SLMAP: variants seen among roughly 807,000 people sequenced by gnomAD.
SLMAP encodes sarcolemma associated protein, also known as sarcolemmal membrane-associated protein.
In SLMAP, 44 loss-of-function variants were observed where a neutral mutation model predicts 128.8. The observed-to-expected ratio is 0.34, with a 90% CI of 0.27 to 0.44. The LOEUF (loss-of-function observed/expected upper bound fraction) is 0.44, where lower values mean the gene tolerates loss of function less well. Ranked by LOEUF, SLMAP falls within the 20% of genes least tolerant of loss-of-function variation. The pLI is 1.00. For synonymous variants in SLMAP, 327 were observed against 348.8 expected, an observed-to-expected ratio of 0.94 and a Z score of 0.70; for missense variants, 787 against 985.3, an observed-to-expected ratio of 0.80 and a Z score of 2.69.
At position 57,908,135 on chromosome 3, in the gene SLMAP, T is replaced by G; in HGVS notation, c.1624+129T>G. 4.9e-6 allele frequency: 4 copies of G among 821,688 alleles called. No individual in the cohort carries two copies. The South Asian group carries it at 7.5e-5, about 15-fold the overall frequency. The allele number at this position is 821,688 out of a possible 1,614,324, so 50.9% of individuals were successfully genotyped here. A position where few individuals can be genotyped will look rare whatever the true frequency, so the allele number is the denominator to read the frequency against. Reference sequence around the variant, plus strand: ...CTTTATGAGATATGTGATCTTGGTATATTTACTTGACCTCTCTAAACTTGT... The same window carrying G: ...CTTTATGAGATATGTGATCTTGGTAGATTTACTTGACCTCTCTAAACTTGT... On this transcript the variant is annotated intron_variant, in intron 18 of 24. Transcript: ENST00000671191.
intron 18 of SLMAP, 118 bp downstream of exon 18, chr3:57,908,124 T>C: frequency 2.2e-6 from 2 of 916,282 alleles, no homozygotes; most frequent in Non-Finnish European, 1.6e-6. Context: ...ATGAGATATG[T>C]GATCTTGGTA....
intron 3 of SLMAP, among the ~76,000 whole-genome samples, chr3:57,840,255 A>G (rs985601047): frequency 5.9e-5 from 9 of 152,272 alleles, no homozygotes; most frequent in Non-Finnish European, 8.8e-5. Context: ...TGCCCGGCCA[A>G]CATTAGCTCT....
rs926954971 is a variant in SLMAP at position 57,788,537 on chromosome 3, A to G, written c.198+30688A>G. Among the ~76,000 whole-genome samples, 5 of 152,314 alleles carry G rather than the reference A, an allele frequency of 3.3e-5. No individual in the cohort carries two copies. The East Asian group carries it at 9.6e-4, about 29-fold the overall frequency. ...AATACACTCCCAGGGAAGTTTGTAT[A>G]TCGCTAGAAAAGTAGAGGCTGGGGA... is the stretch of plus-strand genomic sequence containing the variant. On this transcript the variant is annotated intron_variant, in intron 2 of 24. Transcript: ENST00000671191.
chr3:57,918,978 A>C (rs2096864556), intron 22 of SLMAP, among the ~76,000 whole-genome samples: 1 of 152,248 alleles, frequency 6.6e-6, no homozygotes, highest in Non-Finnish European at 1.5e-5. Flanking sequence ...AGATGGAGCA[A>C]AAATGATAGC....
At chr3:57,872,989 T>C (rs2095518391) in intron 14 of SLMAP, among the ~76,000 whole-genome samples, 1 of 152,114 alleles carries the variant, frequency 6.6e-6, no homozygotes, top group Non-Finnish European at 1.5e-5. Flanking sequence ...CAGGAGCGCT[T>C]GGGGGTTCTA....
chr3:57,809,220 G>T (rs1056463043), intron 2 of SLMAP, among the ~76,000 whole-genome samples: 2 of 152,210 alleles, frequency 1.3e-5, no homozygotes, highest in South Asian at 4.1e-4. Flanking sequence ...TGTGGACCCA[G>T]GCATCCCTGC....
chr3:57,917,378 C>A, intron 22 of SLMAP: 1 of 480,010 alleles, frequency 2.1e-6, no homozygotes, highest in Non-Finnish European at 3.4e-6. Flanking sequence ...GTTTAACTTT[C>A]AAAGAGAGTA....
intron 2 of SLMAP, chr3:57,801,577 A>G (rs926879393): frequency 5.3e-5 from 8 of 151,700 alleles, no homozygotes; most frequent in African/African-American, 1.7e-4. Flanking sequence ...AGGGAACATA[A>G]TATTCATGGA....
chr3:57,757,634 A>G lies in SLMAP; in HGVS notation c.-18A>G, dbSNP rs770942293. The G allele has an allele frequency of 9.9e-6, 16 of 1,611,974 alleles. No individual in the cohort carries two copies. The highest frequency in any genetic ancestry group is 1.4e-5 in the Non-Finnish European group (16 of 1,178,844). On this transcript the variant is annotated 5_prime_UTR_variant, in exon 2 of 25. Transcript: ENST00000671191. ...CCTCTTTGTCCCTGGTAGGAGAGAC[A>G]CCCCCAGTCTATCCTCGATGCCGTC...
At chr3:57,778,647 TCAC>T (rs1403705090) in intron 2 of SLMAP, among the ~76,000 whole-genome samples, 1 of 147,506 alleles carries the variant, frequency 6.8e-6, no homozygotes, top group Non-Finnish European at 1.5e-5. Context: ...CAATCATAGC[TCAC>T]CACAGCCTCA....
intron 14 of SLMAP, among the ~76,000 whole-genome samples, chr3:57,887,653 G>T (rs1041015601): frequency 6.6e-6 from 1 of 152,170 alleles, no homozygotes; most frequent in Admixed American, 6.5e-5. Flanking sequence ...TTATGATGTT[G>T]CTGTCTCAAC....
In SLMAP at chr3:57,757,171, C is replaced by G. The variant is rs1000458692; in HGVS notation, c.-481C>G. On this transcript the variant is annotated 5_prime_UTR_variant, in exon 2 of 25. Transcript: ENST00000671191. ...GGTGCCCAGCCACACCTTCCTTCGG[C>G]CCAAAAGGACTTTCCTGGCCGCGCC... 5.0e-6 allele frequency: 1 copy of G among 200,486 alleles called. No individual in the cohort carries two copies. Among genetic ancestry groups the G allele is most frequent in the South Asian group, 7.7e-5 (1 of 13,068 alleles). The allele number at this position is 200,486 out of a possible 1,614,324, so 12.4% of individuals were successfully genotyped here.
chr3:57,828,437 T>C (rs2093080415), intron 2 of SLMAP, among the ~76,000 whole-genome samples: 1 of 152,166 alleles, frequency 6.6e-6, no homozygotes, highest in Non-Finnish European at 1.5e-5. Flanking sequence ...ATGAAAATAT[T>C]TCTGTAGAGA....
chr3:57,853,021 T>C (rs567241091), intron 6 of SLMAP, among the ~76,000 whole-genome samples: 8 of 152,356 alleles, frequency 5.3e-5, no homozygotes, highest in East Asian at 3.9e-4. Flanking sequence ...CCTGGACATA[T>C]TAGATTTCTG....
intron 23 of SLMAP, among the ~76,000 whole-genome samples, chr3:57,924,930 G>T (rs932522834): frequency 2.8e-5 from 4 of 143,326 alleles, no homozygotes; most frequent in African/African-American, 1.0e-4. Context: ...GTGAAGTATT[G>T]TCAGTGTTTT....
At chr3:57,889,879 A>AGTTCTCTTAGTTCCC (rs1382588972) in intron 14 of SLMAP, 162 bp from the exon 15 acceptor site, 7 of 525,982 alleles carry the variant, frequency 1.3e-5, no homozygotes, top group East Asian at 8.6e-5. Context: ...TCATAGTTCC[A>AGTTCTCTTAGTTCCC]GTTCTCTTAG....
Position 57,757,392 on chromosome 3 carries a change from A to C in SLMAP, c.-260A>C. The C allele has an allele frequency of 1.9e-6, 1 of 539,312 alleles. No individual in the cohort carries two copies. The highest frequency in any genetic ancestry group is 3.3e-6 in the Non-Finnish European group (1 of 299,584). 33.4% of individuals were successfully genotyped at this position (539,312 alleles called of 1,614,324 possible). A position where few individuals can be genotyped will look rare whatever the true frequency, so the allele number is the denominator to read the frequency against. ...TTGAGCCTTTTCTTCCCAGAGAAGAAGATGGACTGAAAGCTGCCAGTTGGG... is the reference window on the plus strand; with the variant it reads ...TTGAGCCTTTTCTTCCCAGAGAAGACGATGGACTGAAAGCTGCCAGTTGGG... On this transcript the variant is annotated 5_prime_UTR_variant, in exon 2 of 25. Coordinates refer to ENST00000671191, the MANE Select transcript of SLMAP (RefSeq NM_001377540.1).
At chr3:57,844,194 A>G (rs1443808726) in intron 4 of SLMAP, among the ~76,000 whole-genome samples, 1 of 152,000 alleles carries the variant, frequency 6.6e-6, no homozygotes, top group Non-Finnish European at 1.5e-5. Context: ...GGAGTTTGAG[A>G]CTAGCCTGGG....
chr3:57,844,499 A>G (rs2153569791), intron 4 of SLMAP, among the ~76,000 whole-genome samples: 1 of 152,230 alleles, frequency 6.6e-6, no homozygotes, highest in East Asian at 1.9e-4. Context: ...TATGGTTTGT[A>G]TATGCATATG....
Sources: gnomAD v4.1 joint callset for allele counts (sites outside exome capture counted in the v4.1 genomes callset) on GRCh38, gnomAD v4.1.1 for gene constraint, MANE v1.5 for transcripts, NCBI Gene and HGNC (gene_info 2026-07-23, HGNC 2026-07-21) for gene names.